The following SGSM2 variants were observed in gnomAD, a reference collection of about 807,000 sequenced individuals.
The protein encoded by SGSM2 is small G protein signaling modulator 2, also known as RUN and TBC1 domain containing 1.
SGSM2 carries 89 observed loss-of-function variants against 126.6 expected under a neutral mutation model. The ratio of observed to expected loss-of-function variants is 0.70; its 90% CI spans 0.59 to 0.84. SGSM2 has a LOEUF of 0.84. SGSM2 is among the 40% of genes least tolerant of loss of function. The pLI is 0.00. For missense variants in SGSM2, 1,404 were observed against 1,416.6 expected, an observed-to-expected ratio of 0.99 and a Z score of 0.14; for synonymous variants, 614 against 574.3, an observed-to-expected ratio of 1.07 and a Z score of -0.99.
chr17:2,372,461 G>A lies in SGSM2; in HGVS notation c.1761G>A (p.Val587=), dbSNP rs1435066709. Residue 587 remains valine (V), a synonymous_variant, in exon 15 of 24, where the codon GTG becomes GTA. Transcript: ENST00000268989. The surrounding 1 kb of genome is among the most constrained non-coding windows in gnomAD (Gnocchi z 6.0). ...CCTCCGCGGGCCTCACCAAGGACGT[G>A]TGGAGCAAGTATCAGAAGGACAAAA... The part of the protein sequence containing the change: ...PGASAGLTKD[V]WSKYQKDKKN... 5.6e-6 allele frequency: 9 copies of A among 1,602,024 alleles called. No individual in the cohort carries two copies. Among genetic ancestry groups the A allele is most frequent in the Non-Finnish European group, 7.6e-6 (9 of 1,176,762 alleles).
chr17:2,373,265 C>G lies in SGSM2; in HGVS notation c.1918-66C>G. The G allele has an allele frequency of 3.8e-6, 6 of 1,570,852 alleles. 1 individual carries two copies. In the South Asian group the frequency reaches 4.6e-5, roughly 12 times the overall value. ...CTCAGGACCCAAGGTCCAGTGCAGG[C>G]CCAGCTCCTGAAGGGGAGGGCCTGG... On this transcript the variant is annotated intron_variant, in intron 16 of 23. Coordinates refer to ENST00000268989, the MANE Select transcript of SGSM2 (RefSeq NM_014853.3).
At chr17:2,377,175 A>C in intron 21 of SGSM2, 107 bp downstream of exon 21, 2 of 696,372 alleles carry the variant, frequency 2.9e-6, no homozygotes, top group Non-Finnish European at 2.4e-6. Flanking sequence ...TAGAAACTTA[A>C]CTTCTTTCAT....
At chr17:2,342,281 AGGTGT>A (rs1340087757) in intron 1 of SGSM2, among the ~76,000 whole-genome samples, 1 of 149,126 alleles carries the variant, frequency 6.7e-6, no homozygotes, top group Non-Finnish European at 1.5e-5. Flanking sequence ...AAAAAAAGCC[AGGTGT>A]GGTGGTGCAT....
Position 2,376,141 on chromosome 17 carries a change from A to C in SGSM2, c.2489A>C (p.Glu830Ala), listed in dbSNP as rs1421899476. ...GAGGGCCCTCCACTCTTCCAGATAG[A>C]ATTACTGGACACTGTGGCCTTAAAC... is the stretch of plus-strand genomic sequence containing the variant. ...AAVCAAAYTIELLDTVALNLH... is the reference protein window; with the variant it reads ...AAVCAAAYTIALLDTVALNLH... The change falls in exon 19 of 24, where the codon GAA becomes GCA. Residue 830 changes from glutamate to alanine, a missense_variant. Glu to Ala is a moderately radical substitution (Grantham distance 107, BLOSUM62 -1). Coordinates refer to ENST00000268989, the MANE Select transcript of SGSM2 (RefSeq NM_014853.3). 3 of 1,613,876 alleles carry C rather than the reference A, an allele frequency of 1.9e-6. No individual in the cohort carries two copies. The African/African-American group carries it at 4.0e-5, about 22-fold the overall frequency.
rs776451471 is a variant in SGSM2 at position 2,361,711 on chromosome 17, G to T, written c.208G>T (p.Ala70Ser). 4 of 1,613,934 alleles carry T rather than the reference G, an allele frequency of 2.5e-6. No homozygotes were observed. In the East Asian group the frequency reaches 8.9e-5, roughly 36 times the overall value. The change falls in exon 3 of 24, where the codon GCC (alanine) becomes TCC (serine). Residue 70 changes from alanine to serine, a missense_variant. Coordinates refer to ENST00000268989, the MANE Select transcript of SGSM2 (RefSeq NM_014853.3). ...AGFLRSDKMA[A>S]LFTKVGKTCP... ...CTTCCTGCGCAGTGACAAGATGGCA[G>T]CCCTGTTCACCAAGGTGGGGAAGAC...
intron 22 of SGSM2, 39 bp from the exon 23 acceptor site, chr17:2,378,997 G>A (rs781491507): frequency 5.6e-6 from 9 of 1,593,662 alleles, no homozygotes; most frequent in East Asian, 2.3e-5. Flanking sequence ...CCAGATATGC[G>A]GCTAGGACGG....
At chr17:2,369,026 CTG>C (rs772068774) in intron 12 of SGSM2, among the ~76,000 whole-genome samples, 5 of 152,224 alleles carry the variant, frequency 3.3e-5, no homozygotes, top group Non-Finnish European at 7.3e-5. Context: ...CAGGGCTCAT[CTG>C]TGCATCCTCT....
At chr17:2,339,328 C>T (rs960316449) in intron 1 of SGSM2, among the ~76,000 whole-genome samples, 4 of 152,032 alleles carry the variant, frequency 2.6e-5, no homozygotes, top group South Asian at 4.1e-4. Context: ...CCCAGCTACT[C>T]GGGAGGCTGT....
chr17:2,366,706 A>C (rs2065603607), intron 11 of SGSM2: 1 of 152,342 alleles, frequency 6.6e-6, no homozygotes, highest in African/African-American at 2.4e-5. Flanking sequence ...TGGTCACTTC[A>C]CTTCCAGGAC....
At chr17:2,343,121 A>C (rs956356589) in intron 1 of SGSM2, among the ~76,000 whole-genome samples, 2 of 152,132 alleles carry the variant, frequency 1.3e-5, no homozygotes, top group Non-Finnish European at 2.9e-5. Context: ...TATGAGACCT[A>C]CCCCTAACCT....
chr17:2,341,235 A>G (rs1301750211), intron 1 of SGSM2, among the ~76,000 whole-genome samples: 6 of 151,216 alleles, frequency 4.0e-5, no homozygotes, highest in African/African-American at 1.5e-4. Context: ...CTTCTGCCTC[A>G]GCCTCTTGAG....
rs746560688 is a variant in SGSM2 at position 2,375,713 on chromosome 17, G to T, written c.2322G>T (p.Val774=). ...IQSSLDEGQS[V]GFEEEDGGGE... Reference sequence around the variant, plus strand: ...CAAGCCTAGATGAGGGGCAGAGCGTGGGCTTCGAAGAGGAGGACGGCGGTG... The same window carrying T: ...CAAGCCTAGATGAGGGGCAGAGCGTTGGCTTCGAAGAGGAGGACGGCGGTG... The change falls in exon 18 of 24, where the codon GTG becomes GTT. Residue 774 remains valine, a synonymous_variant. Coordinates refer to ENST00000268989, the MANE Select transcript of SGSM2 (RefSeq NM_014853.3). 2 of 1,611,584 alleles carry T rather than the reference G, an allele frequency of 1.2e-6. No homozygotes were observed. The highest frequency in any genetic ancestry group is 4.5e-5 in the East Asian group (2 of 44,796).
At chr17:2,342,239 A>G (rs2064398178) in intron 1 of SGSM2, among the ~76,000 whole-genome samples, 1 of 150,872 alleles carries the variant, frequency 6.6e-6, no homozygotes, top group Non-Finnish European at 1.5e-5. Context: ...AACATGGAGA[A>G]ACCCCGTCTC....
At chr17:2,378,808 G>A (rs2066290696) in intron 22 of SGSM2, among the ~76,000 whole-genome samples, 2 of 152,284 alleles carry the variant, frequency 1.3e-5, no homozygotes, top group South Asian at 4.2e-4. Flanking sequence ...TCCTGAGCCA[G>A]GCTCTGTGTC....
In SGSM2 at chr17:2,363,223, C is replaced by T; in HGVS notation, c.672+89C>T. The T allele has an allele frequency of 6.9e-7, 1 of 1,451,532 alleles. No individual in the cohort carries two copies. The highest frequency in any genetic ancestry group is 9.2e-7 in the Non-Finnish European group (1 of 1,092,804). 89.9% of individuals were successfully genotyped at this position (1,451,532 alleles called of 1,614,324 possible). ...GAAACCGGCCTCTCTACGGGACAGGCCTTGGAGATGCCCCAAGGTAGCGGC... is the reference window on the plus strand; with the variant it reads ...GAAACCGGCCTCTCTACGGGACAGGTCTTGGAGATGCCCCAAGGTAGCGGC... On this transcript the variant is annotated intron_variant, in intron 6 of 23. Transcript: ENST00000268989. The surrounding 1 kb of genome is among the most constrained non-coding windows in gnomAD (Gnocchi z 4.2).
At chr17:2,373,558 C>G in intron 17 of SGSM2, 45 bp downstream of exon 17, 1 of 1,544,178 alleles carries the variant, frequency 6.5e-7, no homozygotes, top group Non-Finnish European at 8.8e-7. Flanking sequence ...CGGGGGCCAC[C>G]CGCGTTTTAT....
At position 2,343,006 on chromosome 17, in the gene SGSM2, T is replaced by C. The variant is rs186016931; in HGVS notation, c.58-539T>C. On this transcript the variant is annotated intron_variant, in intron 1 of 23. Transcript: ENST00000268989. The stretch of plus-strand genomic sequence containing the variant: ...AAAAATGACTGTTTACCTTACAAGG[T>C]ATTTGGGAACTTTTACATCCAGGTG... Among the ~76,000 whole-genome samples, 153 of 151,970 alleles carry C rather than the reference T, an allele frequency of 1.0e-3. 2 individuals carry two copies. The highest frequency in any genetic ancestry group is 7.1e-3 in the South Asian group (34 of 4,806).
chr17:2,338,794 C>G (rs1413248407), intron 1 of SGSM2, among the ~76,000 whole-genome samples: 7 of 80,728 alleles, frequency 8.7e-5, no homozygotes, highest in Non-Finnish European at 1.7e-4. Flanking sequence ...TATATAACCT[C>G]ACGCCTGTAA....
Position 2,363,133 on chromosome 17 carries a change from G to A in SGSM2, c.671G>A (p.Gly224Glu). The A allele has an allele frequency of 1.9e-6, 3 of 1,597,578 alleles. No individual in the cohort carries two copies. Among genetic ancestry groups the A allele is most frequent in the Non-Finnish European group, 1.7e-6 (2 of 1,173,740 alleles). The change falls in exon 6 of 24, where the codon GGG becomes GAG. Residue 224 changes from glycine to glutamate, a missense_variant and splice_region_variant. Physicochemically the swap from Gly to Glu is moderately conservative, Grantham distance 98 (BLOSUM62 -2). Coordinates refer to ENST00000268989, the MANE Select transcript of SGSM2 (RefSeq NM_014853.3). This position sits in a 1 kb window ranked among gnomAD's most constrained non-coding sequence, Gnocchi z 4.2. Reference sequence around the variant, plus strand: ...TCCCCTGCAAAGCGCCCAGCCCTGGGGGTAGGTGCCCCCTCCCCACCCTTT... The same window carrying A: ...TCCCCTGCAAAGCGCCCAGCCCTGGAGGTAGGTGCCCCCTCCCCACCCTTT... Reference protein sequence around the residue: ...QDSPAKRPALGIRKRHSSGSA... With the variant: ...QDSPAKRPALEIRKRHSSGSA...
Sources: gnomAD v4.1 joint callset for allele counts (sites outside exome capture counted in the v4.1 genomes callset) on GRCh38, gnomAD v4.1.1 for gene constraint, Gnocchi (gnomAD v3.1) non-coding constraint, MANE v1.5 for transcripts, NCBI Gene and HGNC (gene_info 2026-07-23, HGNC 2026-07-21) for gene names.